MYO9A: variants seen among roughly 807,000 people sequenced by gnomAD.
The protein encoded by MYO9A is unconventional myosin-IXa.
Under a neutral mutation model 293.3 loss-of-function variants are expected in MYO9A, and 103 were observed. The observed-to-expected ratio is 0.35, with a 90% confidence interval of 0.30 to 0.41. MYO9A has a LOEUF of 0.41. MYO9A is among the 10% of genes least tolerant of loss of function. The probability of loss-of-function intolerance (pLI) is 1.00; values close to 1 mark genes in which losing one functional copy is unlikely to be tolerated. For synonymous variants in MYO9A, 1,001 were observed against 1,035.7 expected (o/e 0.97, Z 0.64); for missense variants, 2,685 against 3,033.0 (o/e 0.89, Z 2.69).
rs1281542439 is a variant in MYO9A, at chr15:72,094,233, A to G, written c.-72+23447T>C. ...AAAGAAGAAAGAAGAAAGAGGAAGG[A>G]GGAAGAAGAAAGAAGGAAGAGGAGG... On this transcript the variant is annotated intron_variant, in intron 1 of 41. Transcript: ENST00000356056. 4.5e-5 allele frequency among the ~76,000 whole-genome samples: 4 copies of G among 88,490 alleles called. 1 individual carries two copies. Among genetic ancestry groups the G allele is most frequent in the African/African-American group, 1.1e-4 (4 of 37,988 alleles). 58.1% of individuals were successfully genotyped at this position (88,490 alleles called of 152,430 possible). A position where few individuals can be genotyped will look rare whatever the true frequency, so the allele number is the denominator to read the frequency against.
chr15:71,887,656 C>T (rs541654408), intron 27 of MYO9A, among the ~76,000 whole-genome samples: 17 of 152,230 alleles, frequency 1.1e-4, no homozygotes, highest in South Asian at 8.3e-4. Flanking sequence ...AGCCAGATTC[C>T]TAAACCACTG....
At position 71,848,962 on chromosome 15, in the gene MYO9A, C is replaced by T. The variant is rs749796236; in HGVS notation, c.6720G>A (p.Val2240=). ...VQDISKTTTC[V]ELIVVEQMNK... ...TCATTTGTTCCACAACAATCAGTTC[C>T]ACACAACTGAAACAGAAGGAAAGAG... is the stretch of plus-strand genomic sequence containing the variant. Residue 2240 remains valine, a synonymous_variant, in exon 39 of 42, where the codon GTG becomes GTA. Coordinates refer to ENST00000356056, the MANE Select transcript of MYO9A (RefSeq NM_006901.4). 26 of 1,594,606 alleles carry T rather than the reference C, an allele frequency of 1.6e-5. No homozygotes were observed. The South Asian group carries it at 2.9e-4, about 18-fold the overall frequency.
intron 12 of MYO9A, among the ~76,000 whole-genome samples, chr15:71,974,604 T>C (rs1257628638): frequency 6.6e-6 from 1 of 152,220 alleles, no homozygotes; most frequent in Non-Finnish European, 1.5e-5. Flanking sequence ...GAAGCAGGGA[T>C]GATTTCTAAG....
At chr15:72,062,966 G>C (rs2078916192) in intron 1 of MYO9A, among the ~76,000 whole-genome samples, 1 of 152,218 alleles carries the variant, frequency 6.6e-6, no homozygotes, top group Non-Finnish European at 1.5e-5. Context: ...AGGCTGCAAT[G>C]AGCCGTGATC....
At chr15:71,847,237 A>C (rs1246392873) in intron 39 of MYO9A, among the ~76,000 whole-genome samples, 1 of 152,186 alleles carries the variant, frequency 6.6e-6, no homozygotes, top group African/African-American at 2.4e-5. Flanking sequence ...AAAATGAAGG[A>C]TCTAAAGAAA....
intron 1 of MYO9A, among the ~76,000 whole-genome samples, chr15:72,053,392 T>C (rs1306109393): frequency 2.6e-5 from 4 of 150,986 alleles, no homozygotes; most frequent in Non-Finnish European, 5.9e-5. Flanking sequence ...GGCAACTGAG[T>C]GAGACTCCGT....
rs1329134182 is a variant in MYO9A at position 71,826,830 on chromosome 15, T to C, written c.7397A>G (p.Asn2466Ser). Residue 2466 changes from asparagine to serine, a missense_variant, in exon 42 of 42, where the codon AAT (asparagine) becomes AGT (serine). By Grantham distance (46) the Asn-to-Ser change is conservative. Transcript: ENST00000356056. Reference protein sequence around the residue: ...KSPFYRAASGNEALGMEGPLG... With the variant: ...KSPFYRAASGSEALGMEGPLG... ...TGGTCCTTCCATTCCCAGGGCCTCA[T>C]TACCTGAGGCAGCTCGGTAGAATGG... The C allele has an allele frequency of 6.2e-7, 1 of 1,614,124 alleles. No individual in the cohort carries two copies. The highest frequency in any genetic ancestry group is 1.1e-5 in the South Asian group (1 of 91,086).
At chr15:72,027,212 G>A (rs2077701070) in intron 4 of MYO9A, among the ~76,000 whole-genome samples, 1 of 152,156 alleles carries the variant, frequency 6.6e-6, no homozygotes, top group Non-Finnish European at 1.5e-5. Flanking sequence ...AAGCAGAAAA[G>A]TTAAATGAGA....
chr15:71,925,339 G>A lies in MYO9A; in HGVS notation c.2562+8331C>T, dbSNP rs986534629. On this transcript the variant is annotated intron_variant, in intron 18 of 41. Coordinates refer to ENST00000356056, the MANE Select transcript of MYO9A (RefSeq NM_006901.4). ...CGTATATGTACATATATACGTATATGTACATATATACTTACATGTATATAT... is the reference window on the plus strand; with the variant it reads ...CGTATATGTACATATATACGTATATATACATATATACTTACATGTATATAT... 8.7e-5 allele frequency among the ~76,000 whole-genome samples: 11 copies of A among 126,986 alleles called. No individual in the cohort carries two copies. The East Asian group carries it at 1.5e-3, about 17-fold the overall frequency. 83.3% of individuals were successfully genotyped at this position (126,986 alleles called of 152,430 possible). A position where few individuals can be genotyped will look rare whatever the true frequency, so the allele number is the denominator to read the frequency against.
chr15:72,078,563 T>C (rs1364869921), intron 1 of MYO9A, among the ~76,000 whole-genome samples: 2 of 151,768 alleles, frequency 1.3e-5, no homozygotes, highest in African/African-American at 4.8e-5. Context: ...GCAACAGTCC[T>C]CACTATTCAA....
chr15:71,907,825 T>C (rs1253599766), intron 19 of MYO9A, among the ~76,000 whole-genome samples: 2 of 152,224 alleles, frequency 1.3e-5, no homozygotes, highest in Non-Finnish European at 2.9e-5. Context: ...TTTGAGTTCA[T>C]TGTAGATTCT....
chr15:71,929,069 C>T (rs2058405053), intron 18 of MYO9A, among the ~76,000 whole-genome samples: 1 of 139,138 alleles, frequency 7.2e-6, no homozygotes, highest in East Asian at 2.4e-4. Context: ...TACACTGTCT[C>T]TATTAAAAAA....
At chr15:72,049,356 C>CT (rs2078485314) in intron 1 of MYO9A, among the ~76,000 whole-genome samples, 1 of 152,186 alleles carries the variant, frequency 6.6e-6, no homozygotes, top group South Asian at 2.1e-4. Flanking sequence ...AGGATATACT[C>CT]TGAGTTACCA....
intron 12 of MYO9A, among the ~76,000 whole-genome samples, chr15:71,970,849 C>T (rs1365685939): frequency 1.3e-5 from 2 of 152,000 alleles, no homozygotes; most frequent in Non-Finnish European, 1.5e-5. Flanking sequence ...TCGTAGCTTT[C>T]GGGTAACAGC....
At chr15:72,030,687 C>T (rs1336547617) in intron 3 of MYO9A, among the ~76,000 whole-genome samples, 1 of 152,004 alleles carries the variant, frequency 6.6e-6, no homozygotes, top group African/African-American at 2.4e-5. Flanking sequence ...CCACACCTGG[C>T]TAATTTTTGT....
At chr15:72,009,271 T>C (rs541886321) in intron 7 of MYO9A, among the ~76,000 whole-genome samples, 99 of 152,312 alleles carry the variant, frequency 6.5e-4, no homozygotes, top group Non-Finnish European at 1.1e-3. Context: ...AACTTACATA[T>C]TGTATTATTT....
chr15:72,086,448 T>TGGCAG (rs1211591314), intron 1 of MYO9A, among the ~76,000 whole-genome samples: 2 of 151,934 alleles, frequency 1.3e-5, no homozygotes, highest in Non-Finnish European at 2.9e-5. Flanking sequence ...GGTGGGGCAC[T>TGGCAG]GGCAGGGCAG....
At chr15:72,060,002 A>G (rs112235723) in intron 1 of MYO9A, among the ~76,000 whole-genome samples, 78 of 152,340 alleles carry the variant, frequency 5.1e-4, no homozygotes, top group African/African-American at 1.7e-3. Flanking sequence ...TGCACAGACT[A>G]TACAGTGAGT....
chr15:72,047,637 C>T (rs2078425264), intron 1 of MYO9A, among the ~76,000 whole-genome samples: 1 of 151,910 alleles, frequency 6.6e-6, no homozygotes, highest in Non-Finnish European at 1.5e-5. Context: ...TGTTTCTTAT[C>T]TTCATTAGTT....
Sources: allele counts gnomAD v4.1 joint callset (sites outside exome capture counted in the v4.1 genomes callset), GRCh38; gene constraint gnomAD v4.1.1; transcripts MANE v1.5; gene names NCBI Gene and HGNC (gene_info 2026-07-23, HGNC 2026-07-21).